TSPAN15: variants seen among roughly 807,000 people sequenced by gnomAD.
TSPAN15 encodes the protein tetraspanin 15, also known as tetraspanin-15.
In TSPAN15, 20 loss-of-function variants were observed where a neutral mutation model predicts 34.5. That is an observed-to-expected ratio of 0.58 (90% CI 0.41 to 0.84). The LOEUF (loss-of-function observed/expected upper bound fraction) is 0.84, where lower values mean the gene tolerates loss of function less well. Ranked by LOEUF, TSPAN15 falls within the 40% of genes least tolerant of loss-of-function variation. The pLI is 0.00. For synonymous variants in TSPAN15, 155 were observed against 153.9 expected, an observed-to-expected ratio of 1.01 and a Z score of -0.05; for missense variants, 313 against 386.1, an observed-to-expected ratio of 0.81 and a Z score of 1.59.
the TSPAN15 span, among the ~76,000 whole-genome samples, chr10:69,545,622 C>T: frequency 6.6e-6 from 1 of 152,184 alleles, no homozygotes; most frequent in Non-Finnish European, 1.5e-5. Context: ...CTTTACCCTC[C>T]ACTACTCTAG....
chr10:69,522,638 G>A, the TSPAN15 span, among the ~76,000 whole-genome samples: 1 of 147,006 alleles, frequency 6.8e-6, no homozygotes, highest in East Asian at 2.5e-4. Flanking sequence ...CAGATCAGTG[G>A]TGGCATTTGA....
downstream of TSPAN15, among the ~76,000 whole-genome samples, chr10:69,510,809 C>A (rs1028934200): frequency 6.6e-6 from 1 of 152,234 alleles, no homozygotes; most frequent in African/African-American, 2.4e-5. Context: ...TTATTGAAGG[C>A]TTTTTCTGCA....
At chr10:69,543,844 A>T in the TSPAN15 span, among the ~76,000 whole-genome samples, 6 of 73,802 alleles carry the variant, frequency 8.1e-5, no homozygotes, top group South Asian at 6.2e-4. Context: ...GAAGAAGGGG[A>T]GTGTGTGTGT....
chr10:69,493,763 C>T (rs980090278), intron 3 of TSPAN15, among the ~76,000 whole-genome samples: 10 of 152,320 alleles, frequency 6.6e-5, no homozygotes, highest in African/African-American at 1.7e-4. Flanking sequence ...TGAGCCACTG[C>T]GCCAGGCCGC....
intron 3 of TSPAN15, among the ~76,000 whole-genome samples, chr10:69,488,650 G>A (rs1841905583): frequency 6.6e-6 from 1 of 152,208 alleles, no homozygotes; most frequent in African/African-American, 2.4e-5. Flanking sequence ...CACATTATCA[G>A]TAGGACCATG....
At chr10:69,498,768 G>A (rs776085300) in intron 5 of TSPAN15, among the ~76,000 whole-genome samples, 13 of 152,236 alleles carry the variant, frequency 8.5e-5, no homozygotes, top group African/African-American at 2.7e-4. Context: ...CAAAGGCTGG[G>A]TGTCTTGCCC....
At chr10:69,527,780 C>T in the TSPAN15 span, among the ~76,000 whole-genome samples, 1 of 146,974 alleles carries the variant, frequency 6.8e-6, no homozygotes. Flanking sequence ...AAATGTGTAG[C>T]ATAAGAGTTT....
At chr10:69,531,937 AAAC>A in the TSPAN15 span, among the ~76,000 whole-genome samples, 30 of 126,290 alleles carry the variant, frequency 2.4e-4, 1 homozygote, top group East Asian at 0.011. Flanking sequence ...AAACAAAACA[AAAC>A]AAAAAAAAAA....
chr10:69,469,149 A>G (rs1262270079), intron 1 of TSPAN15, among the ~76,000 whole-genome samples: 1 of 151,286 alleles, frequency 6.6e-6, no homozygotes, highest in Non-Finnish European at 1.5e-5. Flanking sequence ...AGTAGAAGAG[A>G]AAAACTCTTG....
chr10:69,506,842 T>C lies in TSPAN15; in HGVS notation c.749T>C (p.Leu250Pro). 6.3e-7 allele frequency: 1 copy of C among 1,586,238 alleles called. No homozygotes were observed. The stretch of plus-strand genomic sequence containing the variant: ...CCTTCTTCTCAGTTCCTGGGGGTGC[T>C]GCTGACGCTGCTGTACATCACCCGG... The part of the protein sequence containing the change: ...GILLPQFLGV[L>P]LTLLYITRVE... The change falls in exon 8 of 8, where the codon CTG becomes CCG. Residue 250 changes from leucine (L) to proline (P), a missense_variant. Coordinates refer to ENST00000373290, the MANE Select transcript of TSPAN15 (RefSeq NM_012339.5). This position sits in a 1 kb window ranked among gnomAD's most constrained non-coding sequence, Gnocchi z 4.7.
intron 6 of TSPAN15, 146 bp downstream of exon 6, chr10:69,504,631 G>C (rs950251634): frequency 3.7e-6 from 3 of 821,160 alleles, no homozygotes; most frequent in Non-Finnish European, 6.0e-6. Flanking sequence ...GACTGCTGTG[G>C]TTTTCCACCC....
At chr10:69,509,052 T>C (rs1308124129), downstream of TSPAN15, among the ~76,000 whole-genome samples, 1 of 151,958 alleles carries the variant, frequency 6.6e-6, no homozygotes, top group Non-Finnish European at 1.5e-5. Context: ...GGGCTCTGGC[T>C]GTTCTGAGAA....
Position 69,485,194 on chromosome 10 carries a change from G to A in TSPAN15, c.336G>A (p.Val112=). Residue 112 remains valine, a synonymous_variant, in exon 3 of 8, where the codon GTG becomes GTA. Transcript: ENST00000373290. ...TCATGGAGCTCATTGGTGGCGTGGTGGCCTTGACCTTCCGGAACCAGGTGG... is the reference window on the plus strand; with the variant it reads ...TCATGGAGCTCATTGGTGGCGTGGTAGCCTTGACCTTCCGGAACCAGGTGG... ...CLIMELIGGV[V]ALTFRNQTID... 1 of 1,614,108 alleles carries A rather than the reference G, an allele frequency of 6.2e-7. No homozygotes were observed. The highest frequency in any genetic ancestry group is 8.5e-7 in the Non-Finnish European group (1 of 1,180,010).
At chr10:69,501,328 G>A (rs150902735) in intron 5 of TSPAN15, among the ~76,000 whole-genome samples, 1 of 152,320 alleles carries the variant, frequency 6.6e-6, no homozygotes, top group Non-Finnish European at 1.5e-5. Flanking sequence ...GAGCACTGAG[G>A]TAGGGAGGAG....
intron 3 of TSPAN15, among the ~76,000 whole-genome samples, chr10:69,494,146 T>C (rs1842027882): frequency 6.6e-6 from 1 of 152,152 alleles, no homozygotes; most frequent in Non-Finnish European, 1.5e-5. Flanking sequence ...GCCACATCGC[T>C]CTCTGGGCTG....
chr10:69,474,054 T>A (rs1841561757), intron 1 of TSPAN15, among the ~76,000 whole-genome samples: 1 of 152,206 alleles, frequency 6.6e-6, no homozygotes, highest in African/African-American at 2.4e-5. Context: ...AGACAGTTTC[T>A]ATATGCCTGA....
At chr10:69,466,145 A>T (rs1231565398) in intron 1 of TSPAN15, among the ~76,000 whole-genome samples, 1 of 152,240 alleles carries the variant, frequency 6.6e-6, no homozygotes, top group Non-Finnish European at 1.5e-5. Context: ...TGTCCTTCAG[A>T]AATGCATCCT....
At chr10:69,539,511 G>A in the TSPAN15 span, among the ~76,000 whole-genome samples, 2 of 96,686 alleles carry the variant, frequency 2.1e-5, no homozygotes, top group South Asian at 6.9e-4. Flanking sequence ...AGAAGAAGAA[G>A]AAGAAGAAGA....
intron 1 of TSPAN15, among the ~76,000 whole-genome samples, chr10:69,474,156 C>A (rs750653568): frequency 6.6e-6 from 1 of 151,218 alleles, no homozygotes; most frequent in Non-Finnish European, 1.5e-5. Flanking sequence ...TCTGCCCACC[C>A]TCCTCCCCCC....
Sources: allele counts gnomAD v4.1 joint callset (sites outside exome capture counted in the v4.1 genomes callset), GRCh38; gene constraint gnomAD v4.1.1; non-coding constraint Gnocchi (gnomAD v3.1); transcripts MANE v1.5; gene names NCBI Gene and HGNC (gene_info 2026-07-23, HGNC 2026-07-21).